Variants in CLASP1 observed in about 807,000 individuals in gnomAD.
CLASP1 encodes the protein cytoplasmic linker associated protein 1.
CLASP1 carries 38 observed loss-of-function variants against 192.3 expected under a neutral mutation model. The observed-to-expected ratio is 0.20, with a 90% CI of 0.15 to 0.26. The LOEUF (loss-of-function observed/expected upper bound fraction) is 0.26, where lower values mean the gene tolerates loss of function less well. CLASP1 is among the 10% of genes least tolerant of loss of function. The probability of loss-of-function intolerance (pLI) is 1.00; values close to 1 mark genes in which losing one functional copy is unlikely to be tolerated. For synonymous variants in CLASP1, 691 were observed against 712.8 expected (o/e 0.97, Z 0.49); for missense variants, 1,433 against 1,932.5 (o/e 0.74, Z 4.85).
intron 20 of CLASP1, among the ~76,000 whole-genome samples, chr2:121,429,505 C>A (rs1457358297): frequency 6.6e-6 from 1 of 152,208 alleles, no homozygotes; most frequent in African/African-American, 2.4e-5. Flanking sequence ...TAAATTCATT[C>A]CAGCTGTGGC....
Position 121,530,932 on chromosome 2 carries a change from C to G in CLASP1, c.196-607G>C, listed in dbSNP as rs180755563. 6.1e-5 allele frequency: 43 copies of G among 700,266 alleles called. No homozygotes were observed. Among genetic ancestry groups the G allele is most frequent in the Non-Finnish European group, 1.0e-4 (39 of 384,804 alleles). The allele number at this position is 700,266 out of a possible 1,614,324, so 43.4% of individuals were successfully genotyped here. ...CTGTCCAATGAGCGCATAGTGAGGG[C>G]AGTACTGCTAACGCCTGAACAACAC... is the stretch of plus-strand genomic sequence containing the variant. On this transcript the variant is annotated intron_variant, in intron 2 of 39. Coordinates refer to ENST00000263710, the Ensembl canonical transcript of CLASP1.
intron 39 of CLASP1, among the ~76,000 whole-genome samples, chr2:121,343,750 G>C (rs868072087): frequency 6.6e-6 from 1 of 152,174 alleles, no homozygotes; most frequent in Non-Finnish European, 1.5e-5. Flanking sequence ...TGGTAGTGAT[G>C]GTTATACAAC....
intron 5 of CLASP1, 171 bp from the exon 6 acceptor site, chr2:121,526,091 C>T: frequency 1.6e-6 from 1 of 615,082 alleles, no homozygotes; most frequent in Non-Finnish European, 2.9e-6. Flanking sequence ...TCCGATGGCC[C>T]CTTTGCACAG....
At chr2:121,451,894 G>C in intron 14 of CLASP1, 45 bp from the exon 15 acceptor site, 1 of 1,386,952 alleles carries the variant, frequency 7.2e-7, no homozygotes, top group South Asian at 1.3e-5. Flanking sequence ...ACATATTTTA[G>C]TGAAAATGAA....
At chr2:121,466,201 A>C (rs6705723) in intron 9 of CLASP1, among the ~76,000 whole-genome samples, 6,341 of 152,312 alleles carry the variant, frequency 0.042, 168 homozygotes, top group East Asian at 0.14. Flanking sequence ...TGAAAACATC[A>C]CCTTTAAAAT....
At chr2:121,490,435 T>C in intron 8 of CLASP1, 1 of 259,084 alleles carries the variant, frequency 3.9e-6, no homozygotes, top group South Asian at 3.6e-5. Flanking sequence ...TATTCCAAAA[T>C]AAAAGCCTAG....
chr2:121,363,025 TGG>T, intron 37 of CLASP1, 145 bp downstream of exon 38: 1 of 959,214 alleles, frequency 1.0e-6, no homozygotes, highest in Non-Finnish European at 1.5e-6. Flanking sequence ...ACGACAGCAA[TGG>T]GGACTCCACT....
chr2:121,474,917 G>A (rs1421911512), intron 8 of CLASP1, among the ~76,000 whole-genome samples: 10 of 152,144 alleles, frequency 6.6e-5, no homozygotes, highest in Admixed American at 2.0e-4. Flanking sequence ...GAAGGAGGAC[G>A]CAAGAATTAA....
intron 2 of CLASP1, among the ~76,000 whole-genome samples, chr2:121,533,991 C>T (rs1385742295): frequency 6.6e-6 from 1 of 152,180 alleles, no homozygotes; most frequent in East Asian, 1.9e-4. Context: ...GTCACTGGGA[C>T]CAACACTCCT....
chr2:121,370,646 A>T (rs1573931087), intron 34 of CLASP1, among the ~76,000 whole-genome samples: 1 of 152,000 alleles, frequency 6.6e-6, no homozygotes, highest in Non-Finnish European at 1.5e-5. Flanking sequence ...TTTCACTGCC[A>T]CCCTAGCTTT....
At chr2:121,637,199 C>T (rs1294479361) in intron 1 of CLASP1, among the ~76,000 whole-genome samples, 2 of 152,182 alleles carry the variant, frequency 1.3e-5, no homozygotes, top group Non-Finnish European at 2.9e-5. Context: ...CCTCATATAT[C>T]AAGCAGCAAC....
At chr2:121,420,365 C>T (rs1483611762) in intron 22 of CLASP1, among the ~76,000 whole-genome samples, 1 of 152,212 alleles carries the variant, frequency 6.6e-6, no homozygotes, top group Non-Finnish European at 1.5e-5. Flanking sequence ...GCTTAAAAAA[C>T]TAGGGAGCGT....
intron 2 of CLASP1, among the ~76,000 whole-genome samples, chr2:121,552,676 A>C (rs1260218107): frequency 6.6e-6 from 1 of 152,232 alleles, no homozygotes; most frequent in Non-Finnish European, 1.5e-5. Flanking sequence ...GGCTATTAAA[A>C]AGTCAAAAAG....
intron 1 of CLASP1, among the ~76,000 whole-genome samples, chr2:121,645,066 A>G (rs2072922551): frequency 6.6e-6 from 1 of 152,106 alleles, no homozygotes. Flanking sequence ...CCTTCACTAT[A>G]ATCAGCCATC....
intron 1 of CLASP1, among the ~76,000 whole-genome samples, chr2:121,638,670 AT>A (rs200383506): frequency 1.8e-3 from 231 of 129,446 alleles, no homozygotes; most frequent in Admixed American, 2.0e-3. Flanking sequence ...GTTCTTTTTT[AT>A]TTTTTTTTTT....
intron 8 of CLASP1, among the ~76,000 whole-genome samples, chr2:121,484,136 C>G (rs1206091115): frequency 6.6e-6 from 1 of 152,198 alleles, no homozygotes; most frequent in African/African-American, 2.4e-5. Context: ...ACGTAAGGTA[C>G]AGGATATCTT....
intron 22 of CLASP1, among the ~76,000 whole-genome samples, chr2:121,419,067 A>G (rs538743138): frequency 3.9e-5 from 6 of 152,372 alleles, no homozygotes; most frequent in African/African-American, 1.4e-4. Flanking sequence ...AGAAACGATC[A>G]GTTTTTATGA....
At chr2:121,376,526 T>TGGGGGGGGGGAGGGG (rs61313144) in intron 34 of CLASP1, among the ~76,000 whole-genome samples, 1 of 105,132 alleles carries the variant, frequency 9.5e-6, no homozygotes. Context: ...TGGGAAGGGG[T>TGGGGGGGGGGAGGGG]GGGGGGGGGG....
Position 121,628,947 on chromosome 2 carries a change from TC to T in CLASP1, c.-286+20424del, listed in dbSNP as rs2068922581. Among the ~76,000 whole-genome samples, 5 of 151,108 alleles carry T rather than the reference TC, an allele frequency of 3.3e-5. No homozygotes were observed. The South Asian group carries it at 8.4e-4, about 25-fold the overall frequency. ...TCAAGTTGTTCACTGCAGCTGGTCA[TC>T]CTTTTTTTTTAATTCTTTTTTCTCT... On this transcript the variant is annotated intron_variant, in intron 1 of 39. Coordinates refer to ENST00000263710, the Ensembl canonical transcript of CLASP1.
Sources: allele counts gnomAD v4.1 joint callset (sites outside exome capture counted in the v4.1 genomes callset), GRCh38; gene constraint gnomAD v4.1.1; transcripts MANE v1.5; gene names NCBI Gene and HGNC (gene_info 2026-07-23, HGNC 2026-07-21).